Variants in SOX6 observed in about 807,000 individuals in gnomAD.
SOX6 encodes the protein SRY-box transcription factor 6.
In SOX6, 11 loss-of-function variants were observed where a neutral mutation model predicts 97.8. The observed-to-expected ratio is 0.11, with a 90% CI of 0.07 to 0.19. The LOEUF is 0.19. Among genes scored for constraint, SOX6 ranks in the 10% least tolerant of loss-of-function variants. The pLI is 1.00. For synonymous variants in SOX6, 360 were observed against 371.4 expected (o/e 0.97, Z 0.35); for missense variants, 810 against 1,039.5 (o/e 0.78, Z 3.04).
intron 2 of SOX6, among the ~76,000 whole-genome samples, chr11:16,730,830 A>G (rs1848344170): frequency 6.6e-6 from 1 of 152,200 alleles, no homozygotes; most frequent in South Asian, 2.1e-4. Flanking sequence ...GAAAAGATCA[A>G]CAAAACAGAT....
intron 3 of SOX6, among the ~76,000 whole-genome samples, chr11:16,680,719 A>G (rs1847920732): frequency 1.3e-5 from 2 of 152,208 alleles, no homozygotes; most frequent in South Asian, 4.1e-4. Context: ...GACCCATCTC[A>G]TGTGCAGAGA....
chr11:16,467,030 T>C (rs1860052341), intron 1 of SOX6, among the ~76,000 whole-genome samples: 1 of 142,912 alleles, frequency 7.0e-6, no homozygotes, highest in Non-Finnish European at 1.5e-5. Flanking sequence ...CCAACAATCA[T>C]ATGAAAAAAA....
At chr11:15,993,245 T>C (rs1854110317) in intron 13 of SOX6, among the ~76,000 whole-genome samples, 1 of 152,192 alleles carries the variant, frequency 6.6e-6, no homozygotes, top group Admixed American at 6.5e-5. Flanking sequence ...CACTTTGTTA[T>C]AATTAATTTT....
Position 16,111,876 on chromosome 11 carries a change from G to A in SOX6, c.825C>T (p.Asp275=), listed in dbSNP as rs575417878. ...CAGCAGCTGCTGCCAGAGTCCGCTG[G>A]TCATGTGGAAAAATTGGGATCATGA... is the stretch of plus-strand genomic sequence containing the variant. The part of the protein sequence containing the change: ...PPLMIPIFPH[D]QRTLAAAAAA... The change falls in exon 7 of 16, where the codon GAC becomes GAT. Residue 275 remains aspartate (D), a synonymous_variant. Coordinates refer to ENST00000683767, the MANE Select transcript of SOX6 (RefSeq NM_001367873.1). The A allele has an allele frequency of 5.6e-6, 9 of 1,612,696 alleles. No individual in the cohort carries two copies. Among genetic ancestry groups the A allele is most frequent in the Non-Finnish European group, 7.6e-6 (9 of 1,179,952 alleles).
intron 3 of SOX6, among the ~76,000 whole-genome samples, chr11:16,626,567 T>C (rs1848626657): frequency 6.6e-6 from 1 of 152,188 alleles, no homozygotes; most frequent in African/African-American, 2.4e-5. Context: ...CTTGTCAACT[T>C]TTACCCTCAA....
chr11:16,203,544 G>A (rs1319175912), intron 4 of SOX6, among the ~76,000 whole-genome samples: 4 of 152,096 alleles, frequency 2.6e-5, no homozygotes, highest in African/African-American at 9.7e-5. Context: ...ATCAGACATG[G>A]TTATATCAAA....
intron 3 of SOX6, among the ~76,000 whole-genome samples, chr11:16,618,987 T>C (rs1343765404): frequency 6.6e-6 from 1 of 152,060 alleles, no homozygotes; most frequent in Non-Finnish European, 1.5e-5. Context: ...ATCTGTGCAG[T>C]AGACAATCCA....
chr11:16,324,995 G>C (rs918367635), intron 2 of SOX6, among the ~76,000 whole-genome samples: 1 of 151,966 alleles, frequency 6.6e-6, no homozygotes, highest in South Asian at 2.1e-4. Context: ...TCTACTGTTT[G>C]GTAGCACATT....
chr11:16,502,589 G>A (rs539528399), intron 4 of SOX6, among the ~76,000 whole-genome samples: 4 of 151,948 alleles, frequency 2.6e-5, no homozygotes, highest in African/African-American at 9.6e-5. Flanking sequence ...TGAAAGCTTC[G>A]ATCATACACT....
In SOX6 at chr11:16,164,770, G is replaced by A. The variant is rs11023858; in HGVS notation, c.777+19116C>T. ...CCTGGGAGGCGAAAGGTGGTGAGCCGAGATCGCACCACTGCACTCCAGCCT... is the reference window on the plus strand; with the variant it reads ...CCTGGGAGGCGAAAGGTGGTGAGCCAAGATCGCACCACTGCACTCCAGCCT... On this transcript the variant is annotated intron_variant, in intron 6 of 15. Transcript: ENST00000683767. 3.4e-3 allele frequency among the ~76,000 whole-genome samples: 514 copies of A among 150,160 alleles called. 4 individuals carry two copies. Among genetic ancestry groups the A allele is most frequent in the Middle Eastern group, 6.8e-3 (2 of 292 alleles).
intron 1 of SOX6, among the ~76,000 whole-genome samples, chr11:16,355,222 A>G (rs1195855702): frequency 6.6e-6 from 1 of 152,090 alleles, no homozygotes; most frequent in Admixed American, 6.6e-5. Context: ...CTAAAGACCA[A>G]ACTCACAAAC....
At chr11:16,687,486 G>A (rs1375510206) in intron 3 of SOX6, among the ~76,000 whole-genome samples, 1 of 152,074 alleles carries the variant, frequency 6.6e-6, no homozygotes, top group Admixed American at 6.6e-5. Flanking sequence ...CACCATGTTG[G>A]CCAGGCTGGT....
chr11:16,295,766 C>T (rs1184314782), intron 3 of SOX6, among the ~76,000 whole-genome samples: 2 of 152,100 alleles, frequency 1.3e-5, no homozygotes, highest in Admixed American at 6.6e-5. Context: ...GACTCCAGAG[C>T]ACAATGACAG....
intron 3 of SOX6, among the ~76,000 whole-genome samples, chr11:16,674,120 G>A (rs1359415143): frequency 1.4e-5 from 2 of 147,634 alleles, no homozygotes; most frequent in Admixed American, 7.2e-5. Flanking sequence ...AACCCAGGAG[G>A]TGGAGCTTGC....
chr11:16,091,745 C>G (rs1464453689), intron 9 of SOX6, among the ~76,000 whole-genome samples: 1 of 152,042 alleles, frequency 6.6e-6, no homozygotes, highest in South Asian at 2.1e-4. Flanking sequence ...AACTATATTC[C>G]TTTCCTCAAA....
chr11:16,083,249 T>A (rs1848511002), intron 9 of SOX6, among the ~76,000 whole-genome samples: 1 of 152,186 alleles, frequency 6.6e-6, no homozygotes, highest in Admixed American at 6.5e-5. Context: ...ATTCTCTTGA[T>A]CTTAGTGTGC....
chr11:16,151,520 C>T (rs1850457323), intron 6 of SOX6, among the ~76,000 whole-genome samples: 2 of 152,080 alleles, frequency 1.3e-5, no homozygotes, highest in Admixed American at 1.3e-4. Flanking sequence ...TTCATCAACC[C>T]AATTCATCCA....
intron 4 of SOX6, among the ~76,000 whole-genome samples, chr11:16,196,011 C>G (rs574481579): frequency 7.2e-4 from 110 of 152,290 alleles, no homozygotes; most frequent in Non-Finnish European, 1.4e-3. Context: ...TACAAACATA[C>G]CACATACTGT....
At chr11:16,723,763 C>A (rs1023363415) in intron 2 of SOX6, among the ~76,000 whole-genome samples, 1 of 152,122 alleles carries the variant, frequency 6.6e-6, no homozygotes, top group African/African-American at 2.4e-5. Flanking sequence ...GCCTGGGTGA[C>A]AGAGAGAGAC....
Sources: allele counts gnomAD v4.1 joint callset (sites outside exome capture counted in the v4.1 genomes callset), GRCh38; gene constraint gnomAD v4.1.1; transcripts MANE v1.5; gene names NCBI Gene and HGNC (gene_info 2026-07-23, HGNC 2026-07-21).